PRELID3A: variants seen among roughly 807,000 people sequenced by gnomAD.
PRELID3A encodes PRELI domain containing protein 3A.
In PRELID3A, 27 loss-of-function variants were observed where a neutral mutation model predicts 23.0. The ratio of observed to expected loss-of-function variants is 1.17; its 90% CI spans 0.87 to 1.62. PRELID3A has a LOEUF of 1.62. PRELID3A is among the 40% of genes most tolerant of loss of function. PRELID3A has a pLI of 0.00. For synonymous variants in PRELID3A, 87 were observed against 86.4 expected, an observed-to-expected ratio of 1.01 and a Z score of -0.04; for missense variants, 231 against 231.4, an observed-to-expected ratio of 1.00 and a Z score of 0.01.
At chr18:12,428,372 G>A (rs894573618) in intron 5 of PRELID3A, among the ~76,000 whole-genome samples, 3 of 152,124 alleles carry the variant, frequency 2.0e-5, no homozygotes, top group Non-Finnish European at 2.9e-5. Context: ...ACCTGGGCCC[G>A]CCTCACAGGC....
At chr18:12,419,376 C>T (rs1295243863) in intron 1 of PRELID3A, among the ~76,000 whole-genome samples, 3 of 149,134 alleles carry the variant, frequency 2.0e-5, no homozygotes, top group African/African-American at 7.4e-5. Flanking sequence ...TGCCTGTAAT[C>T]CCAGCACTTT....
At chr18:12,424,071 C>T (rs1290852811) in intron 3 of PRELID3A, among the ~76,000 whole-genome samples, 1 of 152,212 alleles carries the variant, frequency 6.6e-6, no homozygotes, top group African/African-American at 2.4e-5. Context: ...ACCTGGACTT[C>T]TGCCAATGTT....
intron 1 of PRELID3A, 127 bp from the exon 2 acceptor site, chr18:12,420,198 G>A (rs1188262382): frequency 1.4e-6 from 2 of 1,442,524 alleles, no homozygotes; most frequent in Non-Finnish European, 9.1e-7. Flanking sequence ...CAGATTTGTC[G>A]GACCAGCCTT....
At position 12,421,284 on chromosome 18, in the gene PRELID3A, C is replaced by T. The variant is rs549721303; in HGVS notation, c.202-256C>T. The T allele has an allele frequency of 4.8e-4, 227 of 470,244 alleles. 2 individuals carry two copies. In the East Asian group the frequency reaches 6.3e-3, roughly 13 times the overall value. 29.1% of individuals were successfully genotyped at this position (470,244 alleles called of 1,614,324 possible). A position where few individuals can be genotyped will look rare whatever the true frequency, so the allele number is the denominator to read the frequency against. ...GCAGAGGGGCCTCCTAGCTCCACTGCCCGCAGCCTGTTTTATTTTGCCGGG... is the reference window on the plus strand; with the variant it reads ...GCAGAGGGGCCTCCTAGCTCCACTGTCCGCAGCCTGTTTTATTTTGCCGGG... On this transcript the variant is annotated intron_variant, in intron 2 of 6. Coordinates refer to ENST00000440960, the MANE Select transcript of PRELID3A (RefSeq NM_001142405.2).
At chr18:12,409,167 T>TG (rs1430750168) in intron 1 of PRELID3A, among the ~76,000 whole-genome samples, 4 of 134,344 alleles carry the variant, frequency 3.0e-5, no homozygotes, top group Non-Finnish European at 6.3e-5. Context: ...GGGTTTTTTT[T>TG]TTTTTTTTTT....
chr18:12,420,223 A>T (rs2030112054), intron 1 of PRELID3A, 102 bp from the exon 2 acceptor site: 1 of 1,465,186 alleles, frequency 6.8e-7, no homozygotes, highest in Non-Finnish European at 9.0e-7. Context: ...TAAAGTGAAG[A>T]GACTAGCGCG....
At chr18:12,417,173 T>A (rs1462848507) in intron 1 of PRELID3A, among the ~76,000 whole-genome samples, 1 of 151,950 alleles carries the variant, frequency 6.6e-6, no homozygotes, top group Non-Finnish European at 1.5e-5. Context: ...CAAATTTTTT[T>A]ATTTTTATTT....
intron 1 of PRELID3A, among the ~76,000 whole-genome samples, chr18:12,415,508 C>T (rs2143337357): frequency 6.6e-6 from 1 of 152,084 alleles, no homozygotes; most frequent in South Asian, 2.1e-4. Flanking sequence ...CCGCCCGCCT[C>T]GGCCTCCCAA....
At chr18:12,420,159 G>A (rs2030108576) in intron 1 of PRELID3A, 166 bp from the exon 2 acceptor site, 2 of 1,428,290 alleles carry the variant, frequency 1.4e-6, no homozygotes, top group Non-Finnish European at 1.8e-6. Flanking sequence ...GTGCTGAGCC[G>A]GCGGCCGGGG....
At chr18:12,420,538 C>T (rs929086471) in intron 2 of PRELID3A, 45 bp downstream of exon 2, 3 of 1,458,320 alleles carry the variant, frequency 2.1e-6, no homozygotes, top group Non-Finnish European at 1.8e-6. Flanking sequence ...CCGACTCCCC[C>T]ACTCCCGCCC....
intron 3 of PRELID3A, among the ~76,000 whole-genome samples, chr18:12,424,018 C>T (rs1287445787): frequency 6.6e-6 from 1 of 152,212 alleles, no homozygotes; most frequent in Non-Finnish European, 1.5e-5. Context: ...TGAGATGAGG[C>T]TGTGAGCCAC....
At chr18:12,429,252 C>A in intron 5 of PRELID3A, 98 bp from the exon 6 acceptor site, 1 of 976,508 alleles carries the variant, frequency 1.0e-6, no homozygotes, top group Non-Finnish European at 1.6e-6. Flanking sequence ...GTAACTGCAG[C>A]GCTTGCCTTC....
At chr18:12,422,952 C>T (rs968433783) in intron 3 of PRELID3A, among the ~76,000 whole-genome samples, 2 of 152,160 alleles carry the variant, frequency 1.3e-5, no homozygotes, top group Non-Finnish European at 2.9e-5. Flanking sequence ...CTGCCAGGTA[C>T]CCAGCACAGT....
At chr18:12,413,512 C>G (rs1236605020) in intron 1 of PRELID3A, among the ~76,000 whole-genome samples, 1 of 152,184 alleles carries the variant, frequency 6.6e-6, no homozygotes, top group Non-Finnish European at 1.5e-5. Flanking sequence ...CTCCACTGAG[C>G]GTGCAGCATG....
rs566534779 is a variant in PRELID3A at position 12,407,939 on chromosome 18, G to C, written c.-37G>C. 1.6e-5 allele frequency: 20 copies of C among 1,288,706 alleles called. No individual in the cohort carries two copies. Among genetic ancestry groups the C allele is most frequent in the Non-Finnish European group, 1.6e-5 (16 of 1,021,376 alleles). 79.8% of individuals were successfully genotyped at this position (1,288,706 alleles called of 1,614,324 possible). On this transcript the variant is annotated 5_prime_UTR_variant, in exon 1 of 7. Transcript: ENST00000440960. ...GGAGCCGCGCGGCCCGAAGCACCCG[G>C]CCCGGATCGCAGAGCCCGCGCCCTG...
intron 3 of PRELID3A, among the ~76,000 whole-genome samples, chr18:12,425,256 T>A (rs2030316229): frequency 1.3e-5 from 2 of 152,138 alleles, no homozygotes; most frequent in Admixed American, 1.3e-4. Flanking sequence ...ACAGCATGCA[T>A]AGGACATTAC....
At chr18:12,421,379 C>G in intron 2 of PRELID3A, 161 bp from the exon 3 acceptor site, 1 of 597,362 alleles carries the variant, frequency 1.7e-6, no homozygotes, top group East Asian at 2.8e-5. Flanking sequence ...CCTGCTGGAG[C>G]GGAAGCGCCC....
chr18:12,408,397 C>T (rs1909797216), intron 1 of PRELID3A, among the ~76,000 whole-genome samples: 1 of 151,986 alleles, frequency 6.6e-6, no homozygotes. Context: ...GGGAGCAGGG[C>T]AGGGGAGAGG....
rs188765258 is a variant in PRELID3A at position 12,428,711 on chromosome 18, C to A, written c.466-639C>A. 2.6e-5 allele frequency among the ~76,000 whole-genome samples: 4 copies of A among 152,314 alleles called. No individual in the cohort carries two copies. In the East Asian group the frequency reaches 7.7e-4, roughly 29 times the overall value. ...GAAGGCCAAAGGGGGAGAGCTTTGT[C>A]CATGCTGGAGGAAGGAGACCGGATC... On this transcript the variant is annotated intron_variant, in intron 5 of 6. Transcript: ENST00000440960.
Sources: allele counts gnomAD v4.1 joint callset (sites outside exome capture counted in the v4.1 genomes callset), GRCh38; gene constraint gnomAD v4.1.1; transcripts MANE v1.5; gene names NCBI Gene and HGNC (gene_info 2026-07-23, HGNC 2026-07-21).